ANAPC10: variants seen among roughly 807,000 people sequenced by gnomAD.
ANAPC10 encodes anaphase-promoting complex subunit 10.
In ANAPC10, 12 loss-of-function variants were observed where a neutral mutation model predicts 22.0. The ratio of observed to expected loss-of-function variants is 0.55; its 90% CI spans 0.35 to 0.88. The LOEUF is 0.88. Among genes scored for constraint, ANAPC10 ranks in the 40% least tolerant of loss-of-function variants. The probability of loss-of-function intolerance (pLI) is 0.01; values close to 1 mark genes in which losing one functional copy is unlikely to be tolerated. For synonymous variants in ANAPC10, 65 were observed against 69.5 expected, an observed-to-expected ratio of 0.94 and a Z score of 0.32; for missense variants, 188 against 220.9, an observed-to-expected ratio of 0.85 and a Z score of 0.94.
At chr4:145,052,820 G>A (rs1237084589) in intron 4 of ANAPC10, among the ~76,000 whole-genome samples, 7 of 149,530 alleles carry the variant, frequency 4.7e-5, no homozygotes, top group East Asian at 2.0e-4. Flanking sequence ...CCTGGGAGGC[G>A]AAGGTTGCAG....
At chr4:145,012,885 G>C (rs993225148) in intron 4 of ANAPC10, among the ~76,000 whole-genome samples, 14 of 152,166 alleles carry the variant, frequency 9.2e-5, no homozygotes, top group African/African-American at 3.4e-4. Flanking sequence ...GGGGGGCCTG[G>C]TGGGAAATGA....
At chr4:145,088,424 ATAAAT>A (rs1747206716) in intron 2 of ANAPC10, among the ~76,000 whole-genome samples, 1 of 152,214 alleles carries the variant, frequency 6.6e-6, no homozygotes, top group South Asian at 2.1e-4. Context: ...ATTAACATAT[ATAAAT>A]TAAATTATTT....
intron 4 of ANAPC10, among the ~76,000 whole-genome samples, chr4:145,033,844 T>A (rs1738012318): frequency 6.6e-6 from 1 of 152,238 alleles, no homozygotes. Context: ...ATGAGTTCCT[T>A]CTGCTTTTGT....
Position 145,054,670 on chromosome 4 carries a change from GTGTGTGTGTGTGCCTGTGTGTGTGCC to G in ANAPC10, c.327+9876_327+9901del, listed in dbSNP as rs1360555046. On this transcript the variant is annotated intron_variant, in intron 4 of 4. Transcript: ENST00000507656. ...GCGCGCGCGCGTGCGTGCAGCGCAT[GTGTGTGTGTGTGCCTGTGTGTGTGCC>G]TGTGTGTGTGTGCATGTGTGTGTGT... is the stretch of plus-strand genomic sequence containing the variant. 1.4e-3 allele frequency among the ~76,000 whole-genome samples: 214 copies of G among 149,364 alleles called. 1 individual carries two copies. The highest frequency in any genetic ancestry group is 4.9e-3 in the African/African-American group (200 of 40,520).
At chr4:145,026,945 A>ATGTGTG (rs1553967000) in intron 4 of ANAPC10, among the ~76,000 whole-genome samples, 7 of 17,152 alleles carry the variant, frequency 4.1e-4, no homozygotes, top group African/African-American at 7.8e-4. Flanking sequence ...ATATATATAT[A>ATGTGTG]TGTGTGTGTG....
intron 4 of ANAPC10, among the ~76,000 whole-genome samples, chr4:145,052,436 C>T (rs1741253962): frequency 6.6e-6 from 1 of 151,950 alleles, no homozygotes; most frequent in African/African-American, 2.4e-5. Context: ...CTAGCCTAAC[C>T]AGTTTACAGA....
At chr4:145,054,254 T>C (rs774969029) in intron 4 of ANAPC10, among the ~76,000 whole-genome samples, 1 of 150,826 alleles carries the variant, frequency 6.6e-6, no homozygotes, top group Non-Finnish European at 1.5e-5. Context: ...CAGAAATATT[T>C]ACGCAAAATT....
rs1041828058 is a variant in ANAPC10, at chr4:144,995,202, A to G, written c.*171T>C. 4 of 426,260 alleles carry G rather than the reference A, an allele frequency of 9.4e-6. No homozygotes were observed. Among genetic ancestry groups the G allele is most frequent in the African/African-American group, 8.1e-5 (4 of 49,126 alleles). 26.4% of individuals were successfully genotyped at this position (426,260 alleles called of 1,614,324 possible). On this transcript the variant is annotated 3_prime_UTR_variant, in exon 5 of 5. Transcript: ENST00000507656. ...TGTGAGCTTTATTACATGTTAAAGA[A>G]AATAAAGATAATATGACCCCAAATT...
intron 4 of ANAPC10, among the ~76,000 whole-genome samples, chr4:144,998,821 T>TA (rs1377721093): frequency 1.3e-5 from 2 of 152,026 alleles, no homozygotes; most frequent in African/African-American, 2.4e-5. Context: ...AATCAATGAA[T>TA]ACAGGAGCTG....
intron 3 of ANAPC10, among the ~76,000 whole-genome samples, chr4:145,066,851 T>C (rs1743773770): frequency 6.6e-6 from 1 of 152,080 alleles, no homozygotes; most frequent in Non-Finnish European, 1.5e-5. Flanking sequence ...CAGTTGAAAT[T>C]AAAAAATGTG....
chr4:145,054,640 T>TGTGTGCGCGC (rs1353005943), intron 4 of ANAPC10, among the ~76,000 whole-genome samples: 1 of 90,278 alleles, frequency 1.1e-5, no homozygotes, highest in African/African-American at 4.0e-5. Flanking sequence ...TGTGTGTGTG[T>TGTGTGCGCGC]GCGCGCGCGC....
chr4:145,066,167 G>A (rs1743649285), intron 3 of ANAPC10, among the ~76,000 whole-genome samples: 1 of 152,128 alleles, frequency 6.6e-6, no homozygotes, highest in Non-Finnish European at 1.5e-5. Context: ...TTAGTAAGGA[G>A]ACCAAACTTC....
chr4:145,056,556 G>A (rs1032280503), intron 4 of ANAPC10, among the ~76,000 whole-genome samples: 12 of 152,034 alleles, frequency 7.9e-5, no homozygotes, highest in African/African-American at 2.7e-4. Flanking sequence ...CCCCTCTTGG[G>A]GTCTGGATTG....
intron 4 of ANAPC10, among the ~76,000 whole-genome samples, chr4:145,060,642 A>G (rs544909851): frequency 4.6e-5 from 7 of 152,050 alleles, no homozygotes; most frequent in Non-Finnish European, 5.9e-5. Context: ...CAGTGGGCAA[A>G]CATCCACGGA....
At chr4:144,997,839 T>C (rs983478873) in intron 4 of ANAPC10, among the ~76,000 whole-genome samples, 18 of 151,936 alleles carry the variant, frequency 1.2e-4, no homozygotes, top group African/African-American at 4.4e-4. Flanking sequence ...GAGACCCATC[T>C]CACGTGCAGA....
At chr4:145,078,310 G>C (rs1309561924) in intron 3 of ANAPC10, among the ~76,000 whole-genome samples, 2 of 151,082 alleles carry the variant, frequency 1.3e-5, no homozygotes, top group African/African-American at 4.9e-5. Context: ...TGGGAATACA[G>C]CTAACCAAGG....
chr4:145,031,356 G>A (rs116580152), intron 4 of ANAPC10, among the ~76,000 whole-genome samples: 4,061 of 152,248 alleles, frequency 0.027, 75 homozygotes, highest in Non-Finnish European at 0.039. Context: ...CTAAAATTCC[G>A]GGACCGTCGA....
intron 4 of ANAPC10, among the ~76,000 whole-genome samples, chr4:145,011,202 C>T (rs1482402419): frequency 1.3e-5 from 2 of 151,710 alleles, no homozygotes; most frequent in Non-Finnish European, 2.9e-5. Flanking sequence ...CTTGGTGGTG[C>T]ATGCCTGTAA....
intron 4 of ANAPC10, among the ~76,000 whole-genome samples, chr4:145,000,571 G>T (rs1157021819): frequency 1.3e-5 from 2 of 152,206 alleles, no homozygotes; most frequent in African/African-American, 4.8e-5. Flanking sequence ...AGGATGTGGA[G>T]AAATAGGAAC....
Sources: allele counts gnomAD v4.1 joint callset (sites outside exome capture counted in the v4.1 genomes callset), GRCh38; gene constraint gnomAD v4.1.1; transcripts MANE v1.5; gene names NCBI Gene and HGNC (gene_info 2026-07-23, HGNC 2026-07-21).